The following RIN3 variants were observed in gnomAD, a reference collection of about 807,000 sequenced individuals.
The protein encoded by RIN3 is Ras and Rab interactor 3.
RIN3 carries 54 observed loss-of-function variants against 76.3 expected under a neutral mutation model. That is an observed-to-expected ratio of 0.71 (90% confidence interval 0.57 to 0.89). The LOEUF is 0.89. Ranked by LOEUF, RIN3 falls within the 40% of genes least tolerant of loss-of-function variation. The pLI, the probability that RIN3 is intolerant of heterozygous loss-of-function variation, is 0.00. For missense variants in RIN3, 1,256 were observed against 1,322.1 expected (o/e 0.95, Z 0.78); for synonymous variants, 576 against 564.0 (o/e 1.02, Z -0.30).
chr14:92,516,276 TGGG>T (rs1896439459), intron 1 of RIN3, among the ~76,000 whole-genome samples: 1 of 152,084 alleles, frequency 6.6e-6, no homozygotes, highest in African/African-American at 2.4e-5. Flanking sequence ...TCCCTGGTAT[TGGG>T]GGAGGTGGTG....
At chr14:92,597,858 G>A (rs1885205709) in intron 3 of RIN3, among the ~76,000 whole-genome samples, 1 of 152,150 alleles carries the variant, frequency 6.6e-6, no homozygotes, top group Admixed American at 6.5e-5. Flanking sequence ...AGACTTTGCT[G>A]GGTGCTCAGG....
intron 3 of RIN3, among the ~76,000 whole-genome samples, chr14:92,603,516 G>A (rs567819037): frequency 6.6e-6 from 1 of 152,322 alleles, no homozygotes; most frequent in Admixed American, 6.5e-5. Context: ...CTGGCACTTA[G>A]AGAAAGCAAG....
At chr14:92,671,554 G>A (rs1888289373) in intron 7 of RIN3, among the ~76,000 whole-genome samples, 1 of 152,184 alleles carries the variant, frequency 6.6e-6, no homozygotes, top group Non-Finnish European at 1.5e-5. Context: ...GAAATTAGTA[G>A]GAACGTGGGA....
At chr14:92,521,045 T>G (rs1896584156) in intron 1 of RIN3, among the ~76,000 whole-genome samples, 1 of 152,174 alleles carries the variant, frequency 6.6e-6, no homozygotes, top group Non-Finnish European at 1.5e-5. Context: ...GGATATCTTC[T>G]CATTTATCTT....
chr14:92,531,930 A>G (rs1177891888), intron 1 of RIN3, among the ~76,000 whole-genome samples: 1 of 146,600 alleles, frequency 6.8e-6, no homozygotes, highest in Non-Finnish European at 1.5e-5. Flanking sequence ...CCCATCTCTT[A>G]TCTTTTTTTT....
At chr14:92,628,001 C>A (rs370883348) in intron 4 of RIN3, among the ~76,000 whole-genome samples, 5 of 152,200 alleles carry the variant, frequency 3.3e-5, no homozygotes, top group Non-Finnish European at 5.9e-5. Context: ...GTGTCCTCCC[C>A]CTGTGGGCTG....
chr14:92,535,807 TG>T (rs1381903394), intron 1 of RIN3, among the ~76,000 whole-genome samples: 1 of 151,284 alleles, frequency 6.6e-6, no homozygotes, highest in Non-Finnish European at 1.5e-5. Context: ...CCTGAGTAGC[TG>T]GGATTATAGG....
chr14:92,591,733 A>G lies in RIN3; in HGVS notation c.367+14256A>G, dbSNP rs535187286. On this transcript the variant is annotated intron_variant, in intron 3 of 9. Transcript: ENST00000216487. ...CCAACCAAGATTTCTGTACCTTGTG[A>G]AATTGTTCCTTCAAAAGTGAAGGAA... Among the ~76,000 whole-genome samples the G allele has an allele frequency of 3.5e-4, 53 of 152,308 alleles. 1 individual carries two copies. Among genetic ancestry groups the G allele is most frequent in the African/African-American group, 1.2e-3 (50 of 41,566 alleles).
intron 5 of RIN3, among the ~76,000 whole-genome samples, chr14:92,642,366 G>A (rs966600772): frequency 7.9e-5 from 12 of 152,110 alleles, no homozygotes; most frequent in Admixed American, 7.9e-4. Context: ...CAAAGTGCTG[G>A]AATTACAGGT....
At chr14:92,668,227 G>A (rs1888176612) in intron 7 of RIN3, among the ~76,000 whole-genome samples, 1 of 152,218 alleles carries the variant, frequency 6.6e-6, no homozygotes, top group African/African-American at 2.4e-5. Context: ...CCTGAGACTT[G>A]AACCCGGGTC....
intron 1 of RIN3, among the ~76,000 whole-genome samples, chr14:92,551,889 C>A (rs1897436565): frequency 6.6e-6 from 1 of 152,220 alleles, no homozygotes. Flanking sequence ...CTAACTTTAT[C>A]TATTTTTTCT....
intron 2 of RIN3, among the ~76,000 whole-genome samples, chr14:92,569,473 C>G (rs1306733542): frequency 1.9e-4 from 29 of 152,154 alleles, no homozygotes; most frequent in Admixed American, 1.8e-3. Flanking sequence ...TACAATCACC[C>G]AGGGTCCCAG....
chr14:92,552,570 C>T (rs1164090856), intron 1 of RIN3, among the ~76,000 whole-genome samples: 1 of 152,066 alleles, frequency 6.6e-6, no homozygotes, highest in Non-Finnish European at 1.5e-5. Context: ...CCACTCTCAC[C>T]CTTCTCTCAT....
At chr14:92,645,989 A>G (rs1887185402) in intron 5 of RIN3, among the ~76,000 whole-genome samples, 1 of 151,664 alleles carries the variant, frequency 6.6e-6, no homozygotes, top group Admixed American at 6.6e-5. Context: ...TTGCGGTGAG[A>G]GTTGCACAAC....
At chr14:92,664,364 C>CTTTTTTTTT (rs373597134) in intron 7 of RIN3, among the ~76,000 whole-genome samples, 194 of 84,432 alleles carry the variant, frequency 2.3e-3, no homozygotes, top group Middle Eastern at 8.6e-3. Context: ...TTCTTTCTTT[C>CTTTTTTTTT]TTTTTTTTTT....
intron 1 of RIN3, among the ~76,000 whole-genome samples, chr14:92,528,110 G>A (rs963012238): frequency 9.2e-5 from 14 of 152,118 alleles, no homozygotes; most frequent in African/African-American, 3.1e-4. Flanking sequence ...CTAAGGCCTC[G>A]GCATCAAGGA....
rs539736218 is a variant in RIN3 at position 92,606,080 on chromosome 14, A to G, written c.368-9327A>G. 1.4e-4 allele frequency among the ~76,000 whole-genome samples: 21 copies of G among 150,852 alleles called. No individual in the cohort carries two copies. In the South Asian group the frequency reaches 2.7e-3, roughly 20 times the overall value. On this transcript the variant is annotated intron_variant, in intron 3 of 9. Coordinates refer to ENST00000216487, the MANE Select transcript of RIN3 (RefSeq NM_024832.5). ...AAGCTACTTGGGAGGCTGCAGTGAG[A>G]GCATCCCTTGAGCCCTAGAGTTCAG...
intron 1 of RIN3, among the ~76,000 whole-genome samples, chr14:92,546,682 TG>T (rs66579521): frequency 0.28 from 42,250 of 151,948 alleles, 6,511 homozygotes; most frequent in Middle Eastern, 0.4. Flanking sequence ...GTTATGATAG[TG>T]GGCGTAACTG....
At chr14:92,651,437 G>A in intron 5 of RIN3, 145 bp from the exon 6 acceptor site, 1 of 524,240 alleles carries the variant, frequency 1.9e-6, no homozygotes, top group Non-Finnish European at 3.1e-6. Flanking sequence ...GTCCAAGAGG[G>A]GAAAACAACC....
Sources: gnomAD v4.1 joint callset for allele counts (sites outside exome capture counted in the v4.1 genomes callset) on GRCh38, gnomAD v4.1.1 for gene constraint, MANE v1.5 for transcripts, NCBI Gene and HGNC (gene_info 2026-07-23, HGNC 2026-07-21) for gene names.